Variants in PDE8B observed in about 807,000 individuals in gnomAD.
The protein encoded by PDE8B is phosphodiesterase 8B, also known as high affinity cAMP-specific and IBMX-insensitive 3',5'-cyclic phosphodiesterase 8B.
PDE8B carries 26 observed loss-of-function variants against 101.3 expected under a neutral mutation model. The ratio of observed to expected loss-of-function variants is 0.26; its 90% CI spans 0.19 to 0.36. The LOEUF (loss-of-function observed/expected upper bound fraction) is 0.36, where lower values mean the gene tolerates loss of function less well. PDE8B is among the 10% of genes least tolerant of loss of function. The pLI is 1.00. For missense variants in PDE8B, 810 were observed against 1,163.1 expected (o/e 0.70, Z 4.42); for synonymous variants, 424 against 429.3 (o/e 0.99, Z 0.15).
chr5:77,302,046 T>G (rs1770070905), intron 1 of PDE8B, among the ~76,000 whole-genome samples: 1 of 152,152 alleles, frequency 6.6e-6, no homozygotes. Context: ...TCAGGCTGAG[T>G]TTTTTTCTCA....
the PDE8B span, among the ~76,000 whole-genome samples, chr5:77,090,494 C>T: frequency 2.4e-3 from 358 of 152,268 alleles, 3 homozygotes; most frequent in Middle Eastern, 0.017. Context: ...AGTATGGTCT[C>T]GATCTCCTGA....
rs555975373 is a variant in PDE8B at position 77,405,798 on chromosome 5, A to G, written c.1288+1001A>G. Among the ~76,000 whole-genome samples, 9 of 152,310 alleles carry G rather than the reference A, an allele frequency of 5.9e-5. No individual in the cohort carries two copies. The East Asian group carries it at 1.5e-3, about 26-fold the overall frequency. On this transcript the variant is annotated intron_variant, in intron 12 of 21. Coordinates refer to ENST00000264917, the MANE Select transcript of PDE8B (RefSeq NM_003719.5). ...ATATCAGAACTCGAGAGCGGACAAC[A>G]GACTAGTAGATTTCACTCGCTCATT...
rs1748079530 is a variant in PDE8B at position 77,210,747 on chromosome 5, G to A, written c.-179G>A. 2.3e-5 allele frequency: 23 copies of A among 982,136 alleles called. No homozygotes were observed. In the South Asian group the frequency reaches 1.0e-3, roughly 44 times the overall value. 60.8% of individuals were successfully genotyped at this position (982,136 alleles called of 1,614,324 possible). A position where few individuals can be genotyped will look rare whatever the true frequency, so the allele number is the denominator to read the frequency against. On this transcript the variant is annotated 5_prime_UTR_variant, in exon 1 of 22. Coordinates refer to ENST00000264917, the MANE Select transcript of PDE8B (RefSeq NM_003719.5). The surrounding 1 kb of genome is among the most constrained non-coding windows in gnomAD (Gnocchi z 4.9). ...AGGGAAAGTTGGGGTGACGCGCGCG[G>A]TCCCCGGAGGCTCGGCGGGGGGCAC...
intron 1 of PDE8B, among the ~76,000 whole-genome samples, chr5:77,237,840 C>G (rs943000815): frequency 6.6e-6 from 1 of 152,014 alleles, no homozygotes; most frequent in East Asian, 1.9e-4. Flanking sequence ...ACCTTAATTC[C>G]CTATGAATAT....
At chr5:77,344,048 T>C (rs567086881) in intron 6 of PDE8B, among the ~76,000 whole-genome samples, 1 of 152,324 alleles carries the variant, frequency 6.6e-6, no homozygotes, top group South Asian at 2.1e-4. Flanking sequence ...CCTTCTATGA[T>C]AACAATGCCT....
intron 10 of PDE8B, chr5:77,358,568 A>G (rs1782537408): frequency 3.3e-6 from 1 of 301,444 alleles, no homozygotes; most frequent in Non-Finnish European, 4.9e-6. Context: ...ACTCCTTAAC[A>G]CAATAACCTT....
intron 1 of PDE8B, among the ~76,000 whole-genome samples, chr5:77,225,977 A>T (rs11955381): frequency 0.01 from 1,595 of 152,164 alleles, 35 homozygotes; most frequent in African/African-American, 0.035. Context: ...GATTTTTGAT[A>T]TTAGGGTCTG....
chr5:77,314,523 A>G (rs944000191), intron 2 of PDE8B, among the ~76,000 whole-genome samples: 1 of 152,158 alleles, frequency 6.6e-6, no homozygotes, highest in African/African-American at 2.4e-5. Context: ...GTCTATGACC[A>G]TGAAATATCT....
Position 77,290,265 on chromosome 5 carries a change from T to C in PDE8B, c.340-21729T>C, listed in dbSNP as rs1009867981. On this transcript the variant is annotated intron_variant, in intron 1 of 21. Coordinates refer to ENST00000264917, the MANE Select transcript of PDE8B (RefSeq NM_003719.5). ...TGGACCTTGGAGCAGGCCTGCTGCC[T>C]TCATGTCCACTCTCCTCATCAATCA... 1.5e-5 allele frequency: 23 copies of C among 1,558,794 alleles called. No homozygotes were observed. The Admixed American group carries it at 2.8e-4, about 19-fold the overall frequency.
At chr5:77,401,140 T>C (rs1421807390) in intron 11 of PDE8B, among the ~76,000 whole-genome samples, 2 of 152,180 alleles carry the variant, frequency 1.3e-5, no homozygotes, top group Non-Finnish European at 2.9e-5. Context: ...AAGAAGGAAA[T>C]GTATAATGCT....
At chr5:77,393,459 T>C (rs1250422061) in intron 10 of PDE8B, among the ~76,000 whole-genome samples, 1 of 151,834 alleles carries the variant, frequency 6.6e-6, no homozygotes, top group Non-Finnish European at 1.5e-5. Flanking sequence ...AGTTTTTCTC[T>C]CTCCAGTTTC....
chr5:77,232,775 T>C (rs1185778581), intron 1 of PDE8B, among the ~76,000 whole-genome samples: 5 of 152,194 alleles, frequency 3.3e-5, no homozygotes, highest in Non-Finnish European at 7.3e-5. Flanking sequence ...ATGCAGCAGG[T>C]TGAACTTTTT....
chr5:77,339,209 C>T (rs1165192971), intron 6 of PDE8B, among the ~76,000 whole-genome samples: 1 of 152,148 alleles, frequency 6.6e-6, no homozygotes, highest in African/African-American at 2.4e-5. Flanking sequence ...CTTCTGACCC[C>T]TCACTTACTA....
At chr5:77,419,908 C>G in intron 19 of PDE8B, 21 bp downstream of exon 19, 2 of 1,613,238 alleles carry the variant, frequency 1.2e-6, no homozygotes, top group Non-Finnish European at 1.7e-6. Flanking sequence ...CTTTCCATGC[C>G]ATAAGGCACA....
At chr5:77,309,764 C>A (rs531737156) in intron 1 of PDE8B, among the ~76,000 whole-genome samples, 1 of 151,680 alleles carries the variant, frequency 6.6e-6, no homozygotes, top group Non-Finnish European at 1.5e-5. Flanking sequence ...GGATTACAGG[C>A]GCCCAACACC....
chr5:77,091,901 G>A, the PDE8B span, among the ~76,000 whole-genome samples: 1 of 152,136 alleles, frequency 6.6e-6, no homozygotes, highest in Non-Finnish European at 1.5e-5. Flanking sequence ...CTGGTTATGG[G>A]CAAAGCACCA....
At chr5:77,400,895 A>G (rs1019492676) in intron 11 of PDE8B, among the ~76,000 whole-genome samples, 1 of 152,192 alleles carries the variant, frequency 6.6e-6, no homozygotes, top group African/African-American at 2.4e-5. Flanking sequence ...GTCTGCTACC[A>G]AGAAGTTAAG....
At chr5:77,103,821 T>C in the PDE8B span, among the ~76,000 whole-genome samples, 1 of 152,234 alleles carries the variant, frequency 6.6e-6, no homozygotes, top group African/African-American at 2.4e-5. Context: ...TTAGCCTTTC[T>C]GGTCCTTTTG....
chr5:77,371,006 A>G (rs138799152), intron 10 of PDE8B, among the ~76,000 whole-genome samples: 2 of 152,304 alleles, frequency 1.3e-5, no homozygotes, highest in African/African-American at 4.8e-5. Flanking sequence ...ATTGAGTTGT[A>G]TTAGTTCTGC....
Sources: allele counts gnomAD v4.1 joint callset (sites outside exome capture counted in the v4.1 genomes callset), GRCh38; gene constraint gnomAD v4.1.1; non-coding constraint Gnocchi (gnomAD v3.1); transcripts MANE v1.5; gene names NCBI Gene and HGNC (gene_info 2026-07-23, HGNC 2026-07-21).